LRBA: variants seen among roughly 807,000 people sequenced by gnomAD.
LRBA encodes the protein LPS responsive beige-like anchor protein, also known as lipopolysaccharide-responsive and beige-like anchor protein.
Under a neutral mutation model 330.0 loss-of-function variants are expected in LRBA, and 176 were observed. The ratio of observed to expected loss-of-function variants is 0.53; its 90% CI spans 0.47 to 0.60. The LOEUF (loss-of-function observed/expected upper bound fraction) is 0.60. Ranked by LOEUF, LRBA falls within the 20% of genes least tolerant of loss-of-function variation. The probability of loss-of-function intolerance (pLI) is 0.00; values close to 1 mark genes in which losing one functional copy is unlikely to be tolerated. For missense variants in LRBA, 3,259 were observed against 3,444.8 expected (o/e 0.95, Z 1.35); for synonymous variants, 1,230 against 1,193.0 (o/e 1.03, Z -0.64).
chr4:150,577,650 T>A (rs1306312981), intron 40 of LRBA, among the ~76,000 whole-genome samples: 1 of 152,044 alleles, frequency 6.6e-6, no homozygotes, highest in East Asian at 1.9e-4. Context: ...TCCTGGAAAA[T>A]AAGATCATGT....
At chr4:150,632,673 T>C (rs1342403191) in intron 37 of LRBA, among the ~76,000 whole-genome samples, 1 of 152,210 alleles carries the variant, frequency 6.6e-6, no homozygotes, top group Non-Finnish European at 1.5e-5. Context: ...CTCTCTCATG[T>C]TGCCCCTGTC....
In LRBA at chr4:150,860,219, T is replaced by C. The variant is rs544273510; in HGVS notation, c.2767-7276A>G. Reference sequence around the variant, plus strand: ...CACACGAAGGAATAAAAGACATGTATGAAACACTAAAATAAAAGGTGAACA... The same window carrying C: ...CACACGAAGGAATAAAAGACATGTACGAAACACTAAAATAAAAGGTGAACA... On this transcript the variant is annotated intron_variant, in intron 22 of 56. Transcript: ENST00000651943. Among the ~76,000 whole-genome samples the C allele has an allele frequency of 3.3e-5, 5 of 152,300 alleles. No individual in the cohort carries two copies. The South Asian group carries it at 6.2e-4, about 19-fold the overall frequency.
At chr4:150,998,594 G>C (rs1742972609) in intron 2 of LRBA, among the ~76,000 whole-genome samples, 1 of 151,912 alleles carries the variant, frequency 6.6e-6, no homozygotes. Context: ...GCCTCAAGCA[G>C]TCCTCCCACC....
intron 36 of LRBA, among the ~76,000 whole-genome samples, chr4:150,700,000 A>C (rs1784966244): frequency 6.6e-6 from 1 of 152,162 alleles, no homozygotes; most frequent in Admixed American, 6.5e-5. Flanking sequence ...CCCTCAAAGA[A>C]AATGCTCATT....
At chr4:150,360,601 C>A (rs2151841344) in intron 47 of LRBA, among the ~76,000 whole-genome samples, 1 of 152,274 alleles carries the variant, frequency 6.6e-6, no homozygotes, top group Admixed American at 6.5e-5. Context: ...AGACAGAATG[C>A]AGGAGTTAAC....
chr4:150,380,837 C>G (rs1742112396), intron 47 of LRBA, among the ~76,000 whole-genome samples: 1 of 151,294 alleles, frequency 6.6e-6, no homozygotes, highest in Admixed American at 6.6e-5. Context: ...AAAAAATTAG[C>G]CAGGTGAGGT....
intron 2 of LRBA, among the ~76,000 whole-genome samples, chr4:150,961,802 C>CA (rs910593091): frequency 6.7e-6 from 1 of 149,492 alleles, no homozygotes; most frequent in African/African-American, 2.6e-5. Flanking sequence ...AAAGTCCACA[C>CA]ATAGTGCCAA....
chr4:150,985,881 T>A (rs537957333), intron 2 of LRBA, among the ~76,000 whole-genome samples: 1 of 152,304 alleles, frequency 6.6e-6, no homozygotes. Flanking sequence ...TAGTTAAAAA[T>A]CCAAATGATT....
rs549518459 is a variant in LRBA at position 150,467,178 on chromosome 4, T to C, written c.6780+495A>G. On this transcript the variant is annotated intron_variant, in intron 44 of 56. Transcript: ENST00000651943. ...GCAATGGATTGAAACATCAAATACA[T>C]TGAAATCTATGAGTTCATAAAGATA... 7.9e-5 allele frequency among the ~76,000 whole-genome samples: 12 copies of C among 152,244 alleles called. No individual in the cohort carries two copies. The East Asian group carries it at 2.3e-3, about 29-fold the overall frequency.
chr4:150,744,511 T>C (rs1397132386), intron 35 of LRBA, among the ~76,000 whole-genome samples: 1 of 152,248 alleles, frequency 6.6e-6, no homozygotes, highest in African/African-American at 2.4e-5. Context: ...CATCATTTCA[T>C]ATACATTATA....
At chr4:150,395,046 T>A (rs1047645554) in intron 47 of LRBA, among the ~76,000 whole-genome samples, 1 of 152,132 alleles carries the variant, frequency 6.6e-6, no homozygotes, top group Non-Finnish European at 1.5e-5. Context: ...ATATAAGAGA[T>A]AAGAAAGGCT....
At chr4:150,409,048 G>A (rs1413427377) in intron 47 of LRBA, among the ~76,000 whole-genome samples, 1 of 152,130 alleles carries the variant, frequency 6.6e-6, no homozygotes, top group Non-Finnish European at 1.5e-5. Context: ...ATGAAAATTG[G>A]GTCATTACAG....
chr4:150,660,603 A>AATGGCGGCCC (rs1018998702), intron 37 of LRBA, among the ~76,000 whole-genome samples: 1 of 145,410 alleles, frequency 6.9e-6, no homozygotes, highest in Non-Finnish European at 1.5e-5. Context: ...CCAGGATGAC[A>AATGGCGGCCC]ATGGCGGCCT....
chr4:150,436,872 T>C lies in LRBA; in HGVS notation c.6781-8A>G, dbSNP rs1348927421. The stretch of plus-strand genomic sequence containing the variant: ...GTTCAGAGCTCCTATTGGCTGCCAA[T>C]AGGGAGGGAAAAAACAAAGAATACA... On this transcript the variant is annotated splice_region_variant and splice_polypyrimidine_tract_variant and intron_variant, in intron 44 of 56. Transcript: ENST00000651943. 2.5e-6 allele frequency: 4 copies of C among 1,612,676 alleles called. No homozygotes were observed. The highest frequency in any genetic ancestry group is 1.7e-5 in the Admixed American group (1 of 59,782).
At chr4:150,277,780 G>A in intron 56 of LRBA, 73 bp downstream of exon 56, 1 of 1,439,428 alleles carries the variant, frequency 6.9e-7, no homozygotes, top group Non-Finnish European at 9.7e-7. Flanking sequence ...GGGATTACAG[G>A]TGTAAGCCAA....
Position 150,490,981 on chromosome 4 carries a change from A to C in LRBA, c.6385T>G (p.Ser2129Ala). The C allele has an allele frequency of 6.2e-7, 1 of 1,610,072 alleles. No individual in the cohort carries two copies. The highest frequency in any genetic ancestry group is 8.5e-7 in the Non-Finnish European group (1 of 1,177,448). ...AAAAGATAACGACGAGAAAAGATTGATCGTATCTCTGTGAACAGCCATTTT... is the reference window on the plus strand; with the variant it reads ...AAAAGATAACGACGAGAAAAGATTGCTCGTATCTCTGTGAACAGCCATTTT... ...HGKWLFTEIR[S>A]IFSRRYLLQN... is the part of the protein sequence containing the mutation. The change falls in exon 41 of 57, where the codon TCA becomes GCA. Residue 2129 changes from serine to alanine, a missense_variant. Ser to Ala is a moderately conservative substitution (Grantham distance 99). Transcript: ENST00000651943.
chr4:150,525,050 T>G lies in LRBA; in HGVS notation c.6331-34015A>C, dbSNP rs571808686. Among the ~76,000 whole-genome samples, 6 of 152,240 alleles carry G rather than the reference T, an allele frequency of 3.9e-5. No homozygotes were observed. In the East Asian group the frequency reaches 1.2e-3, roughly 29 times the overall value. ...GGGAACTCTTTAATCAATTGTCCAATTACAAAGGTCTAATTCTACTAAGAG... is the reference window on the plus strand; with the variant it reads ...GGGAACTCTTTAATCAATTGTCCAAGTACAAAGGTCTAATTCTACTAAGAG... On this transcript the variant is annotated intron_variant, in intron 40 of 56. Transcript: ENST00000651943.
chr4:150,533,082 A>G (rs1381831856), intron 40 of LRBA, among the ~76,000 whole-genome samples: 1 of 152,212 alleles, frequency 6.6e-6, no homozygotes, highest in Admixed American at 6.6e-5. Context: ...CCATCCTGAA[A>G]AAAATGTTCT....
intron 47 of LRBA, among the ~76,000 whole-genome samples, chr4:150,406,256 A>G (rs981453865): frequency 7.2e-5 from 11 of 152,322 alleles, no homozygotes; most frequent in African/African-American, 2.4e-4. Flanking sequence ...GAATCCAACT[A>G]TTATAGAACT....
Sources: gnomAD v4.1 joint callset for allele counts (sites outside exome capture counted in the v4.1 genomes callset) on GRCh38, gnomAD v4.1.1 for gene constraint, MANE v1.5 for transcripts, NCBI Gene and HGNC (gene_info 2026-07-23, HGNC 2026-07-21) for gene names.